Variants in PPP2R1B observed in about 807,000 individuals in gnomAD.
The protein encoded by PPP2R1B is protein phosphatase 2 scaffold subunit Abeta.
A neutral mutation model predicts 72.7 loss-of-function variants in PPP2R1B; 58 were observed. The observed-to-expected ratio is 0.80, with a 90% CI of 0.65 to 0.99. The LOEUF is 0.99. Ranked by LOEUF, PPP2R1B falls within the 50% of genes least tolerant of loss-of-function variation. The probability of loss-of-function intolerance (pLI) is 0.00; values close to 1 mark genes in which losing one functional copy is unlikely to be tolerated. For missense variants in PPP2R1B, 695 were observed against 733.6 expected (o/e 0.95, Z 0.61); for synonymous variants, 256 against 264.6 (o/e 0.97, Z 0.32).
rs1248908142 is a variant in PPP2R1B, at chr11:111,753,545, T to G, written c.1062A>C (p.Lys354Asn). 1 of 1,612,482 alleles carries G rather than the reference T, an allele frequency of 6.2e-7. No individual in the cohort carries two copies. The highest frequency in any genetic ancestry group is 1.7e-5 in the Admixed American group (1 of 59,818). The change falls in exon 9 of 15, where the codon AAA (lysine) becomes AAC (asparagine). Residue 354 changes from lysine to asparagine, a missense_variant. By Grantham distance (94) the Lys-to-Asn change is moderately conservative (BLOSUM62 0). Transcript: ENST00000527614. The part of the protein sequence containing the change: ...ELVSDTNQHV[K>N]SALASVIMGL... ...CCATAATTACAGAAGCTAGAGCCGA[T>G]TTGACATGTTGATTGGTATCGGATA... is the stretch of plus-strand genomic sequence containing the variant.
chr11:111,740,745 A>G lies in PPP2R1B; in HGVS notation c.*851T>C. 1.0e-6 allele frequency: 1 copy of G among 985,474 alleles called. No homozygotes were observed. The highest frequency in any genetic ancestry group is 4.7e-5 in the South Asian group (1 of 21,290). The allele number at this position is 985,474 out of a possible 1,614,324, so 61.0% of individuals were successfully genotyped here. A position where few individuals can be genotyped will look rare whatever the true frequency, so the allele number is the denominator to read the frequency against. On this transcript the variant is annotated 3_prime_UTR_variant, in exon 15 of 15. Transcript: ENST00000527614. ...CTGCTGGAAGCAGAGCCAGGTAAAG[A>G]ACAGGAAATCTGCACAGTATTATCC...
Position 111,755,298 on chromosome 11 carries a change from T to C in PPP2R1B, c.840A>G (p.Ser280=). The C allele has an allele frequency of 6.2e-7, 1 of 1,604,242 alleles. No individual in the cohort carries two copies. Among genetic ancestry groups the C allele is most frequent in the Non-Finnish European group, 8.5e-7 (1 of 1,177,244 alleles). Residue 280 remains serine, a synonymous_variant, in exon 6 of 15, where the codon TCA becomes TCG. Coordinates refer to ENST00000527614, the MANE Select transcript of PPP2R1B (RefSeq NM_002716.5). The stretch of plus-strand genomic sequence containing the variant: ...TACTTAAAAATGATCACTTTACCTC[T>C]GAAAATCTGTCAGCCACCATATAGC... ...RVRYMVADRF[S]ELQKAMGPKI... is the part of the protein sequence containing the mutation.
At chr11:111,724,235 G>A (rs1010187039), downstream of PPP2R1B, 40 of 1,427,288 alleles carry the variant, frequency 2.8e-5, no homozygotes, top group Middle Eastern at 2.4e-4. Flanking sequence ...TCTCCCTAAC[G>A]GGGAGAAATC....
At chr11:111,723,263 G>A (rs1363632352), downstream of PPP2R1B, among the ~76,000 whole-genome samples, 1 of 152,196 alleles carries the variant, frequency 6.6e-6, no homozygotes, top group Admixed American at 6.5e-5. Context: ...CTCGGAGTCA[G>A]AGAAAATGCA....
At chr11:111,723,892 T>A, downstream of PPP2R1B, 1 of 1,593,002 alleles carries the variant, frequency 6.3e-7, no homozygotes, top group Non-Finnish European at 8.6e-7. Flanking sequence ...CCTATCAGAC[T>A]TGTGAGCTGC....
chr11:111,725,193 ATTCT>A (rs1263872627), downstream of PPP2R1B: 2 of 152,590 alleles, frequency 1.3e-5, no homozygotes, highest in African/African-American at 4.8e-5. Flanking sequence ...TCATGCTTTA[ATTCT>A]TTCTTTTCTG....
At chr11:111,727,163 C>T in intron 15 of PPP2R1B, 2 of 892,844 alleles carry the variant, frequency 2.2e-6, no homozygotes, top group Non-Finnish European at 3.6e-6. Context: ...TCTGCCTGCA[C>T]TGCCTTCTGT....
Position 111,741,219 on chromosome 11 carries a change from A to C in PPP2R1B, c.*377T>G, listed in dbSNP as rs1005798011. On this transcript the variant is annotated 3_prime_UTR_variant, in exon 15 of 15. Coordinates refer to ENST00000527614, the MANE Select transcript of PPP2R1B (RefSeq NM_002716.5). ...AGACACAGAGATATATGTAAACGTCAAGAGAATCACTCCACTCCACGTCTG... is the reference window on the plus strand; with the variant it reads ...AGACACAGAGATATATGTAAACGTCCAGAGAATCACTCCACTCCACGTCTG... 9.7e-7 allele frequency: 1 copy of C among 1,029,088 alleles called. No homozygotes were observed. The highest frequency in any genetic ancestry group is 1.2e-6 in the Non-Finnish European group (1 of 857,750). 63.7% of individuals were successfully genotyped at this position (1,029,088 alleles called of 1,614,324 possible). A position where few individuals can be genotyped will look rare whatever the true frequency, so the allele number is the denominator to read the frequency against.
the PPP2R1B span, among the ~76,000 whole-genome samples, chr11:111,704,033 T>C: frequency 6.6e-6 from 1 of 152,208 alleles, no homozygotes; most frequent in African/African-American, 2.4e-5. Context: ...CAAACAGTGC[T>C]CTTCAGGAAG....
At chr11:111,726,811 A>ACAT, downstream of PPP2R1B, 1 of 676,488 alleles carries the variant, frequency 1.5e-6, no homozygotes, top group Non-Finnish European at 2.6e-6. Flanking sequence ...AGCAGTGTGT[A>ACAT]CACTACTGTA....
the PPP2R1B span, among the ~76,000 whole-genome samples, chr11:111,704,009 C>T: frequency 1.5e-4 from 23 of 152,066 alleles, no homozygotes; most frequent in Admixed American, 1.4e-3. Context: ...AATACCTTTA[C>T]GATAGTAAAA....
the PPP2R1B span, among the ~76,000 whole-genome samples, chr11:111,709,002 T>G: frequency 1.3e-5 from 2 of 152,336 alleles, no homozygotes; most frequent in South Asian, 4.1e-4. Flanking sequence ...CTTTAATTAC[T>G]GTTTAGAGGT....
chr11:111,764,712 A>C, intron 3 of PPP2R1B, 93 bp downstream of exon 3: 7 of 1,262,642 alleles, frequency 5.5e-6, no homozygotes, highest in Non-Finnish European at 7.8e-6. Flanking sequence ...AAAGATCTGC[A>C]TAAAAAATGC....
At chr11:111,742,318 A>AAT in intron 13 of PPP2R1B, 174 bp from the exon 14 acceptor site, 3 of 616,836 alleles carry the variant, frequency 4.9e-6, no homozygotes, top group South Asian at 4.4e-5. Context: ...AATCAGCTTC[A>AAT]GACAAGGATC....
At chr11:111,689,775 T>C in the PPP2R1B span, among the ~76,000 whole-genome samples, 1 of 152,206 alleles carries the variant, frequency 6.6e-6, no homozygotes, top group Non-Finnish European at 1.5e-5. Context: ...TTTGTTTCTG[T>C]GCCATTTCCC....
chr11:111,734,536 C>T (rs1295210490), downstream of PPP2R1B, among the ~76,000 whole-genome samples: 1 of 152,258 alleles, frequency 6.6e-6, no homozygotes, highest in Non-Finnish European at 1.5e-5. Context: ...AGGGCACTGA[C>T]AGGAGGTCAG....
At chr11:111,689,833 C>A in the PPP2R1B span, among the ~76,000 whole-genome samples, 1 of 151,858 alleles carries the variant, frequency 6.6e-6, no homozygotes, top group Admixed American at 6.6e-5. Context: ...TATTTTTACT[C>A]ATTTTAAATG....
At chr11:111,723,962 GC>G, downstream of PPP2R1B, 1 of 1,614,110 alleles carries the variant, frequency 6.2e-7, no homozygotes, top group Non-Finnish European at 8.5e-7. Context: ...TGTGGATGGA[GC>G]CCAGCAGAGC....
chr11:111,743,452 G>T lies in PPP2R1B; in HGVS notation c.1478C>A (p.Thr493Asn). The change falls in exon 12 of 15, where the codon ACT becomes AAT. Residue 493 changes from threonine (T) to asparagine (N), a missense_variant. Coordinates refer to ENST00000527614, the MANE Select transcript of PPP2R1B (RefSeq NM_002716.5). ...CATTACTAACACTTTGGGAACAATA[G>T]TATTTTGGGCCCACTCTGTACCAAA... ...QKFGTEWAQN[T>N]IVPKVLVMAN... 6.2e-7 allele frequency: 1 copy of T among 1,613,712 alleles called. No homozygotes were observed. The highest frequency in any genetic ancestry group is 8.5e-7 in the Non-Finnish European group (1 of 1,179,680).
Sources: gnomAD v4.1 joint callset for allele counts (sites outside exome capture counted in the v4.1 genomes callset) on GRCh38, gnomAD v4.1.1 for gene constraint, MANE v1.5 for transcripts, NCBI Gene and HGNC (gene_info 2026-07-23, HGNC 2026-07-21) for gene names.